PTPRT: variants seen among roughly 807,000 people sequenced by gnomAD.
PTPRT encodes receptor-type tyrosine-protein phosphatase T.
Under a neutral mutation model 176.8 loss-of-function variants are expected in PTPRT, and 56 were observed. The observed-to-expected ratio is 0.32, with a 90% CI of 0.26 to 0.40. PTPRT has a LOEUF of 0.40. PTPRT is among the 10% of genes least tolerant of loss of function. The pLI is 1.00. For synonymous variants in PTPRT, 783 were observed against 739.0 expected (o/e 1.06, Z -0.96); for missense variants, 1,540 against 1,908.2 (o/e 0.81, Z 3.60).
intron 1 of PTPRT, among the ~76,000 whole-genome samples, chr20:43,091,471 TTC>T (rs137874026): frequency 0.12 from 12,573 of 107,616 alleles, 1,229 homozygotes; most frequent in African/African-American, 0.26. Context: ...CCCCCTCTCT[TTC>T]TCTCTCTCTC....
chr20:42,087,110 T>G (rs1984046295), intron 27 of PTPRT, among the ~76,000 whole-genome samples: 1 of 150,736 alleles, frequency 6.6e-6, no homozygotes, highest in Admixed American at 6.6e-5. Context: ...ATTTAGTGAG[T>G]AGAGGAGAGG....
At chr20:42,369,195 T>C (rs951631554) in intron 9 of PTPRT, among the ~76,000 whole-genome samples, 4 of 152,026 alleles carry the variant, frequency 2.6e-5, no homozygotes, top group African/African-American at 7.2e-5. Context: ...ACTCCTGGGC[T>C]CAAGCAATCC....
intron 6 of PTPRT, among the ~76,000 whole-genome samples, chr20:42,727,956 A>G (rs1394577069): frequency 1.3e-5 from 2 of 151,980 alleles, no homozygotes; most frequent in Non-Finnish European, 2.9e-5. Flanking sequence ...CCATCCTCCA[A>G]ATACCACTGT....
At chr20:43,096,099 T>C (rs2012156122) in intron 1 of PTPRT, among the ~76,000 whole-genome samples, 2 of 144,416 alleles carry the variant, frequency 1.4e-5, no homozygotes, top group African/African-American at 2.6e-5. Flanking sequence ...TCTTTCCCTC[T>C]CTCTCTCCCC....
At chr20:42,656,431 A>G (rs944975461) in intron 7 of PTPRT, among the ~76,000 whole-genome samples, 1 of 152,210 alleles carries the variant, frequency 6.6e-6, no homozygotes, top group African/African-American at 2.4e-5. Flanking sequence ...AAAGCCATTG[A>G]TTATCAGCTC....
At chr20:43,141,070 C>T (rs1372417793) in intron 1 of PTPRT, among the ~76,000 whole-genome samples, 1 of 152,196 alleles carries the variant, frequency 6.6e-6, no homozygotes, top group African/African-American at 2.4e-5. Flanking sequence ...TAATATTTCA[C>T]AGTCCCTGAT....
intron 2 of PTPRT, among the ~76,000 whole-genome samples, chr20:42,867,816 G>A (rs993530982): frequency 6.6e-6 from 1 of 151,540 alleles, no homozygotes; most frequent in African/African-American, 2.4e-5. Flanking sequence ...CAAGAAGCTG[G>A]GATTACAGGT....
At chr20:43,059,786 C>T (rs992227229) in intron 1 of PTPRT, among the ~76,000 whole-genome samples, 1 of 152,124 alleles carries the variant, frequency 6.6e-6, no homozygotes, top group Non-Finnish European at 1.5e-5. Context: ...CAAGACCAGC[C>T]TGGCCAACAT....
intron 1 of PTPRT, among the ~76,000 whole-genome samples, chr20:43,088,695 C>T (rs2146302110): frequency 6.6e-6 from 1 of 152,168 alleles, no homozygotes; most frequent in East Asian, 1.9e-4. Flanking sequence ...TCCTCCAGCA[C>T]ACTCTGCCGG....
intron 1 of PTPRT, among the ~76,000 whole-genome samples, chr20:42,993,782 T>G (rs1984080691): frequency 6.6e-6 from 1 of 152,056 alleles, no homozygotes; most frequent in African/African-American, 2.4e-5. Flanking sequence ...AACATTAGCC[T>G]AAAATATTGC....
chr20:42,883,676 C>CCCCTT, intron 2 of PTPRT, among the ~76,000 whole-genome samples: 1 of 11,086 alleles, frequency 9.0e-5, no homozygotes, highest in African/African-American at 3.2e-4. Flanking sequence ...CATACAAACA[C>CCCCTT]ACGGACACAC....
At chr20:42,225,944 C>T (rs1363623783) in intron 15 of PTPRT, among the ~76,000 whole-genome samples, 2 of 152,208 alleles carry the variant, frequency 1.3e-5, no homozygotes, top group African/African-American at 4.8e-5. Context: ...TGAGCCACCG[C>T]ACCAGGCCAA....
chr20:42,037,140 C>T, the PTPRT span, among the ~76,000 whole-genome samples: 15 of 152,338 alleles, frequency 9.8e-5, no homozygotes, highest in Middle Eastern at 6.8e-3. Flanking sequence ...CAAATGGACT[C>T]TTGGAATCTC....
At chr20:42,108,769 C>G (rs1257241876) in intron 23 of PTPRT, among the ~76,000 whole-genome samples, 1 of 152,072 alleles carries the variant, frequency 6.6e-6, no homozygotes, top group Admixed American at 6.5e-5. Flanking sequence ...TACTATATGT[C>G]AGGCATTCTC....
chr20:42,500,116 T>C (rs1417141141), intron 7 of PTPRT, among the ~76,000 whole-genome samples: 1 of 152,094 alleles, frequency 6.6e-6, no homozygotes, highest in Non-Finnish European at 1.5e-5. Flanking sequence ...TATAATTTTC[T>C]AGGTCTTACA....
chr20:42,775,893 A>G (rs2145481882), intron 4 of PTPRT, among the ~76,000 whole-genome samples: 1 of 152,354 alleles, frequency 6.6e-6, no homozygotes, highest in South Asian at 2.1e-4. Flanking sequence ...ATTTCAATAT[A>G]GTTCAATTTT....
chr20:42,309,294 A>C (rs2057591982), intron 12 of PTPRT, among the ~76,000 whole-genome samples: 1 of 152,190 alleles, frequency 6.6e-6, no homozygotes, highest in Non-Finnish European at 1.5e-5. Context: ...TGCAGAGAAC[A>C]GTAGATTCAG....
chr20:43,146,086 T>C (rs553553585), intron 1 of PTPRT, among the ~76,000 whole-genome samples: 1 of 152,208 alleles, frequency 6.6e-6, no homozygotes, highest in Non-Finnish European at 1.5e-5. Context: ...CGAATGAGCA[T>C]ATATTAGAAA....
chr20:43,085,250 A>G (rs979799223), intron 1 of PTPRT, among the ~76,000 whole-genome samples: 3 of 152,184 alleles, frequency 2.0e-5, no homozygotes, highest in Non-Finnish European at 2.9e-5. Context: ...AAGGCTATTC[A>G]GAAACATCTC....
Sources: allele counts gnomAD v4.1 joint callset (sites outside exome capture counted in the v4.1 genomes callset), GRCh38; gene constraint gnomAD v4.1.1; transcripts MANE v1.5; gene names NCBI Gene and HGNC (gene_info 2026-07-23, HGNC 2026-07-21).